SCMH1: variants seen among roughly 807,000 people sequenced by gnomAD.
The protein encoded by SCMH1 is Scm polycomb group protein homolog 1.
A neutral mutation model predicts 70.8 loss-of-function variants in SCMH1; 37 were observed. The ratio of observed to expected loss-of-function variants is 0.52; its 90% CI spans 0.40 to 0.69. The LOEUF is 0.69. SCMH1 is among the 30% of genes least tolerant of loss of function. SCMH1 has a pLI of 0.00. For synonymous variants in SCMH1, 292 were observed against 307.4 expected, an observed-to-expected ratio of 0.95 and a Z score of 0.52; for missense variants, 607 against 827.3, an observed-to-expected ratio of 0.73 and a Z score of 3.27.
At chr1:41,144,250 T>C (rs1644356764) in intron 5 of SCMH1, among the ~76,000 whole-genome samples, 1 of 152,062 alleles carries the variant, frequency 6.6e-6, no homozygotes. Flanking sequence ...CCCAGTGGAG[T>C]CATTCCCCAT....
chr1:41,161,675 C>A (rs1646044385), intron 2 of SCMH1, among the ~76,000 whole-genome samples: 1 of 152,126 alleles, frequency 6.6e-6, no homozygotes, highest in African/African-American at 2.4e-5. Context: ...TTTGATAATA[C>A]AAACACTTGA....
intron 1 of SCMH1, among the ~76,000 whole-genome samples, chr1:41,240,879 CT>C: frequency 6.6e-6 from 1 of 152,064 alleles, no homozygotes; most frequent in African/African-American, 2.4e-5. Flanking sequence ...TCCAGGATCA[CT>C]TTTAAGAAAC....
intron 8 of SCMH1, among the ~76,000 whole-genome samples, chr1:41,080,123 T>A (rs1281989345): frequency 2.8e-4 from 42 of 152,070 alleles, no homozygotes; most frequent in Admixed American, 2.8e-3. Context: ...ATTATTTACA[T>A]AATATATGAG....
chr1:41,186,098 C>T (rs894730165), intron 2 of SCMH1, 23 bp downstream of exon 2: 113 of 1,546,630 alleles, frequency 7.3e-5, no homozygotes, highest in Non-Finnish European at 9.1e-5. Context: ...CTTACCTCCA[C>T]GATAGGGTAA....
At chr1:41,035,094 C>A (rs1645101660) in intron 13 of SCMH1, among the ~76,000 whole-genome samples, 1 of 152,222 alleles carries the variant, frequency 6.6e-6, no homozygotes, top group Non-Finnish European at 1.5e-5. Context: ...AACCTTCCAT[C>A]TTTTCAGCTC....
At chr1:41,219,657 C>T (rs115022189) in intron 1 of SCMH1, among the ~76,000 whole-genome samples, 2,692 of 152,302 alleles carry the variant, frequency 0.018, 42 homozygotes, top group Middle Eastern at 0.037. Flanking sequence ...TGGCCGGGCA[C>T]GGTGGCTCAT....
chr1:41,158,342 T>TA (rs1557690952), intron 4 of SCMH1, among the ~76,000 whole-genome samples: 7 of 152,124 alleles, frequency 4.6e-5, no homozygotes, highest in Admixed American at 3.3e-4. Context: ...CAGTCACCAC[T>TA]AAGATAATGT....
intron 1 of SCMH1, among the ~76,000 whole-genome samples, chr1:41,199,946 T>C (rs1214063044): frequency 6.6e-6 from 1 of 152,192 alleles, no homozygotes; most frequent in Non-Finnish European, 1.5e-5. Context: ...CTGCCTAGTA[T>C]AGTTTAAAAC....
chr1:41,146,405 C>G (rs1644571605), intron 5 of SCMH1, among the ~76,000 whole-genome samples: 1 of 152,058 alleles, frequency 6.6e-6, no homozygotes, highest in Non-Finnish European at 1.5e-5. Context: ...CCTGGGTGTA[C>G]AGCGTTTATA....
At chr1:41,053,291 T>C (rs564864172) in intron 10 of SCMH1, among the ~76,000 whole-genome samples, 1 of 152,124 alleles carries the variant, frequency 6.6e-6, no homozygotes, top group Admixed American at 6.5e-5. Context: ...TTTAAAAAAA[T>C]CTACATGGAT....
intron 6 of SCMH1, among the ~76,000 whole-genome samples, chr1:41,125,699 A>G (rs1673024182): frequency 6.6e-6 from 1 of 151,172 alleles, no homozygotes; most frequent in Admixed American, 6.6e-5. Context: ...TCAGTCTCCC[A>G]AGTAGCTGGG....
chr1:41,188,484 G>A (rs1404960660), intron 1 of SCMH1, among the ~76,000 whole-genome samples: 1 of 152,176 alleles, frequency 6.6e-6, no homozygotes, highest in Non-Finnish European at 1.5e-5. Context: ...AATGTAGCTA[G>A]TGCAAACTGA....
chr1:41,206,285 C>T (rs1237535749), intron 1 of SCMH1, among the ~76,000 whole-genome samples: 1 of 151,882 alleles, frequency 6.6e-6, no homozygotes, highest in Non-Finnish European at 1.5e-5. Context: ...CACAAGGAAG[C>T]TAAAAACCTT....
intron 8 of SCMH1, among the ~76,000 whole-genome samples, chr1:41,085,139 T>G (rs1467084789): frequency 6.7e-6 from 1 of 149,142 alleles, no homozygotes; most frequent in Middle Eastern, 3.2e-3. Flanking sequence ...TAATAATAAA[T>G]AAAATAAAAT....
At chr1:41,028,486 T>C in intron 14 of SCMH1, 98 bp downstream of exon 15, 1 of 1,540,604 alleles carries the variant, frequency 6.5e-7, no homozygotes. Flanking sequence ...TCAGCCTTTG[T>C]CTCTAAGCAT....
At chr1:41,029,195 A>G (rs1235564904) in intron 13 of SCMH1, among the ~76,000 whole-genome samples, 1 of 152,078 alleles carries the variant, frequency 6.6e-6, no homozygotes, top group African/African-American at 2.4e-5. Flanking sequence ...ACAGCCTGAT[A>G]CACTAAGGCA....
chr1:41,101,213 C>T (rs1371065695), intron 8 of SCMH1, among the ~76,000 whole-genome samples: 1 of 152,156 alleles, frequency 6.6e-6, no homozygotes, highest in African/African-American at 2.4e-5. Flanking sequence ...CAGTAAAAAA[C>T]AGTATTTTTA....
intron 1 of SCMH1, among the ~76,000 whole-genome samples, chr1:41,240,118 G>A (rs1352354066): frequency 6.6e-6 from 1 of 152,162 alleles, no homozygotes; most frequent in Non-Finnish European, 1.5e-5. Flanking sequence ...AACAACATTT[G>A]CACAAACATA....
chr1:41,219,420 T>C (rs1366511071), intron 1 of SCMH1, among the ~76,000 whole-genome samples: 2 of 152,180 alleles, frequency 1.3e-5, no homozygotes, highest in Non-Finnish European at 2.9e-5. Context: ...GGCCTGGGGA[T>C]CTGACCTGAG....
Sources: gnomAD v4.1 joint callset for allele counts (sites outside exome capture counted in the v4.1 genomes callset) on GRCh38, gnomAD v4.1.1 for gene constraint, MANE v1.5 for transcripts, NCBI Gene and HGNC (gene_info 2026-07-23, HGNC 2026-07-21) for gene names.